SYN3: variants seen among roughly 807,000 people sequenced by gnomAD.
SYN3 encodes synapsin-3.
SYN3 carries 35 observed loss-of-function variants against 65.8 expected under a neutral mutation model. The observed-to-expected ratio is 0.53, with a 90% confidence interval of 0.41 to 0.70. The LOEUF is 0.70. Among genes scored for constraint, SYN3 ranks in the 30% least tolerant of loss-of-function variants. SYN3 has a pLI of 0.00. For synonymous variants in SYN3, 270 were observed against 292.9 expected (o/e 0.92, Z 0.80); for missense variants, 680 against 749.0 (o/e 0.91, Z 1.08).
At chr22:32,696,060 G>A (rs1245909241) in intron 6 of SYN3, among the ~76,000 whole-genome samples, 6 of 152,136 alleles carry the variant, frequency 3.9e-5, no homozygotes, top group Admixed American at 6.5e-5. Flanking sequence ...GGTTTAACAT[G>A]TTATATATTC....
chr22:32,945,089 T>A lies in SYN3; in HGVS notation c.370-13608A>T, dbSNP rs1326810441. ...ATTCCATGCTCATGGATAGGAAGAA[T>A]CAATATTGTGAAAATGGCCATACTG... On this transcript the variant is annotated intron_variant, in intron 3 of 13. Transcript: ENST00000358763. 2.0e-5 allele frequency among the ~76,000 whole-genome samples: 3 copies of A among 152,250 alleles called. No individual in the cohort carries two copies. The East Asian group carries it at 5.8e-4, about 29-fold the overall frequency.
At chr22:32,613,143 T>G (rs896203658) in intron 6 of SYN3, among the ~76,000 whole-genome samples, 4 of 152,118 alleles carry the variant, frequency 2.6e-5, no homozygotes, top group Non-Finnish European at 5.9e-5. Context: ...CCATGCCTCC[T>G]GTACAGCCTG....
At chr22:32,605,408 T>A (rs1285053646) in intron 6 of SYN3, among the ~76,000 whole-genome samples, 1 of 152,158 alleles carries the variant, frequency 6.6e-6, no homozygotes, top group Non-Finnish European at 1.5e-5. Flanking sequence ...TAGACACCTG[T>A]AGAGCAGGCT....
chr22:32,857,128 C>T, intron 6 of SYN3: 3 of 771,214 alleles, frequency 3.9e-6, no homozygotes, highest in Non-Finnish European at 4.6e-6. Context: ...CATGAGAGTG[C>T]AGACCCCTCT....
intron 6 of SYN3, among the ~76,000 whole-genome samples, chr22:32,823,688 TG>T (rs1470457463): frequency 1.3e-5 from 2 of 151,940 alleles, no homozygotes; most frequent in Non-Finnish European, 2.9e-5. Flanking sequence ...AGAAGCTTGG[TG>T]GGCTCCCATG....
rs73154333 is a variant in SYN3, at chr22:32,587,405, C to G, written c.774+9269G>C. Among the ~76,000 whole-genome samples, 63 of 152,088 alleles carry G rather than the reference C, an allele frequency of 4.1e-4. No individual in the cohort carries two copies. In the Middle Eastern group the frequency reaches 0.024, roughly 57 times the overall value. On this transcript the variant is annotated intron_variant, in intron 7 of 13. Transcript: ENST00000358763. ...TAGCTGGGTCCCAGAACTCCCTCCC[C>G]CTGAACACCTCGTGGGTGGGTGCCT... is the stretch of plus-strand genomic sequence containing the variant.
chr22:32,884,897 T>A (rs1317215833), intron 4 of SYN3, among the ~76,000 whole-genome samples: 1 of 151,928 alleles, frequency 6.6e-6, no homozygotes, highest in African/African-American at 2.4e-5. Context: ...GAAAAGAAAA[T>A]CATTTCATAT....
intron 6 of SYN3, among the ~76,000 whole-genome samples, chr22:32,655,000 G>T (rs1334154374): frequency 6.6e-6 from 1 of 152,240 alleles, no homozygotes; most frequent in African/African-American, 2.4e-5. Flanking sequence ...AATAATGGAA[G>T]AAATTAAGAC....
At chr22:32,781,509 C>T (rs1009046610) in intron 6 of SYN3, among the ~76,000 whole-genome samples, 12 of 151,980 alleles carry the variant, frequency 7.9e-5, no homozygotes, top group African/African-American at 2.9e-4. Context: ...ATTGGCATTA[C>T]GATAATGCAC....
intron 7 of SYN3, among the ~76,000 whole-genome samples, chr22:32,567,433 G>A (rs1373598111): frequency 6.6e-6 from 1 of 150,676 alleles, no homozygotes; most frequent in East Asian, 2.0e-4. Flanking sequence ...GCTAGGTGGT[G>A]GAAATAGAAC....
chr22:32,786,642 G>A (rs1328598524), intron 6 of SYN3, among the ~76,000 whole-genome samples: 6 of 152,082 alleles, frequency 3.9e-5, no homozygotes, highest in Admixed American at 1.3e-4. Flanking sequence ...GATTACAGGC[G>A]TGAGCCACCA....
intron 9 of SYN3, among the ~76,000 whole-genome samples, chr22:32,535,783 G>GA (rs1031319033): frequency 2.7e-5 from 4 of 150,924 alleles, no homozygotes; most frequent in Non-Finnish European, 4.4e-5. Context: ...TGGAGAATCG[G>GA]GGGGGGGGCC....
intron 6 of SYN3, among the ~76,000 whole-genome samples, chr22:32,748,268 A>G (rs2145636431): frequency 6.6e-6 from 1 of 152,340 alleles, no homozygotes; most frequent in Admixed American, 6.5e-5. Flanking sequence ...TCTTCATTCA[A>G]GAGAGGGTGG....
intron 1 of SYN3, among the ~76,000 whole-genome samples, chr22:33,012,808 T>C (rs955647971): frequency 6.6e-6 from 1 of 152,246 alleles, no homozygotes; most frequent in Non-Finnish European, 1.5e-5. Flanking sequence ...TCCACTTGAG[T>C]TCCAGCTGCT....
At chr22:33,035,339 C>CCCCA (rs1556217375) in intron 1 of SYN3, among the ~76,000 whole-genome samples, 1 of 94,770 alleles carries the variant, frequency 1.1e-5, no homozygotes, top group Non-Finnish European at 2.2e-5. Context: ...GACCCCCCCC[C>CCCCA]CCCCCGCCAC....
At chr22:32,581,305 C>T (rs750715512) in intron 7 of SYN3, among the ~76,000 whole-genome samples, 29 of 152,158 alleles carry the variant, frequency 1.9e-4, no homozygotes, top group Non-Finnish European at 2.9e-4. Flanking sequence ...AGACGGGTTT[C>T]GCCATGTTGG....
chr22:32,969,696 T>C (rs995118511), intron 3 of SYN3, among the ~76,000 whole-genome samples: 9 of 152,182 alleles, frequency 5.9e-5, no homozygotes, highest in African/African-American at 2.2e-4. Context: ...CTTTCAGCTG[T>C]TAAACAAGGG....
chr22:32,935,308 TCA>T (rs990872543), intron 3 of SYN3, among the ~76,000 whole-genome samples: 20,193 of 148,938 alleles, frequency 0.14, 1,765 homozygotes, highest in Non-Finnish European at 0.19. Flanking sequence ...TCTCTCTCTC[TCA>T]CACACACACA....
chr22:32,986,785 C>A (rs916683843), intron 2 of SYN3, among the ~76,000 whole-genome samples: 1 of 152,148 alleles, frequency 6.6e-6, no homozygotes, highest in Admixed American at 6.6e-5. Context: ...TCCCTGAATA[C>A]CTCAGCCAAT....
Sources: gnomAD v4.1 joint callset for allele counts (sites outside exome capture counted in the v4.1 genomes callset) on GRCh38, gnomAD v4.1.1 for gene constraint, MANE v1.5 for transcripts, NCBI Gene and HGNC (gene_info 2026-07-23, HGNC 2026-07-21) for gene names.